The following DLGAP2 variants were observed in gnomAD, a reference collection of about 807,000 sequenced individuals.
The protein encoded by DLGAP2 is DLG associated protein 2.
In DLGAP2, 26 loss-of-function variants were observed where a neutral mutation model predicts 100.3. That is an observed-to-expected ratio of 0.26 (90% confidence interval 0.19 to 0.36). DLGAP2 has a LOEUF of 0.36. DLGAP2 is among the 10% of genes least tolerant of loss of function. DLGAP2 has a pLI of 1.00. For missense variants in DLGAP2, 1,858 were observed against 1,453.2 expected, an observed-to-expected ratio of 1.28 and a Z score of -4.53; for synonymous variants, 886 against 630.1, an observed-to-expected ratio of 1.41 and a Z score of -6.08.
rs553004398 is a variant in DLGAP2 at position 1,658,736 on chromosome 8, G to C, written c.1811-9593G>C. 2.6e-5 allele frequency among the ~76,000 whole-genome samples: 4 copies of C among 152,022 alleles called. No homozygotes were observed. In the South Asian group the frequency reaches 6.2e-4, roughly 24 times the overall value. On this transcript the variant is annotated intron_variant, in intron 8 of 14. Transcript: ENST00000637795. ...GTGTCTATTTGATTCTTCTCTCTTC[G>C]CTTCTTTATTAGTCTGGCTACCGGT...
rs575546059 is a variant in DLGAP2, at chr8:1,388,915, C to A, written c.107-112451C>A. On this transcript the variant is annotated intron_variant, in intron 3 of 14. Coordinates refer to ENST00000637795, the MANE Select transcript of DLGAP2 (RefSeq NM_001346810.2). ...TGTCAGGGCTGTGAGAGGCAGATGC[C>A]GTGGATGAGGAAGCGCTGGTTCAAG... 1.9e-4 allele frequency among the ~76,000 whole-genome samples: 22 copies of A among 113,366 alleles called. 1 individual carries two copies. Among genetic ancestry groups the A allele is most frequent in the African/African-American group, 6.8e-4 (19 of 27,858 alleles). 74.4% of individuals were successfully genotyped at this position (113,366 alleles called of 152,430 possible). A position where few individuals can be genotyped will look rare whatever the true frequency, so the allele number is the denominator to read the frequency against.
At chr8:1,030,210 G>A (rs555779812) in intron 2 of DLGAP2, among the ~76,000 whole-genome samples, 5 of 152,190 alleles carry the variant, frequency 3.3e-5, no homozygotes, top group Admixed American at 1.3e-4. Flanking sequence ...AGCAATGAGC[G>A]TACCTGAGAT....
intron 1 of DLGAP2, among the ~76,000 whole-genome samples, chr8:761,246 C>G (rs1355179264): frequency 6.6e-6 from 1 of 152,266 alleles, no homozygotes; most frequent in Admixed American, 6.5e-5. Context: ...TTGGTAGAAC[C>G]TGCTGGTCTT....
At chr8:877,121 C>A (rs914596982) in intron 1 of DLGAP2, among the ~76,000 whole-genome samples, 1 of 151,868 alleles carries the variant, frequency 6.6e-6, no homozygotes, top group Non-Finnish European at 1.5e-5. Context: ...TAAACCTGGC[C>A]TCTGGTCACT....
At chr8:955,389 G>T (rs936938439) in intron 2 of DLGAP2, among the ~76,000 whole-genome samples, 1 of 152,046 alleles carries the variant, frequency 6.6e-6, no homozygotes, top group African/African-American at 2.4e-5. Flanking sequence ...CCACCCACTG[G>T]AATCTTGTGT....
At chr8:979,558 G>T (rs1334486858) in intron 2 of DLGAP2, among the ~76,000 whole-genome samples, 1 of 152,298 alleles carries the variant, frequency 6.6e-6, no homozygotes, top group East Asian at 1.9e-4. Flanking sequence ...ATCACTGTGT[G>T]GGCAGGTTTT....
At chr8:1,462,211 A>C (rs1401718639) in intron 3 of DLGAP2, among the ~76,000 whole-genome samples, 1 of 70,096 alleles carries the variant, frequency 1.4e-5, no homozygotes, top group Non-Finnish European at 2.6e-5. Context: ...GGTGGCCAGG[A>C]GGAGGGAGAA....
At chr8:1,601,305 G>C (rs1796615777) in intron 6 of DLGAP2, among the ~76,000 whole-genome samples, 1 of 152,216 alleles carries the variant, frequency 6.6e-6, no homozygotes, top group African/African-American at 2.4e-5. Flanking sequence ...TGATGTGTCT[G>C]TTGATCCCTG....
rs920905246 is a variant in DLGAP2 at position 1,668,180 on chromosome 8, T to C, written c.1811-149T>C. The C allele has an allele frequency of 4.4e-6, 3 of 680,006 alleles. No homozygotes were observed. In the African/African-American group the frequency reaches 5.5e-5, roughly 12 times the overall value. 42.1% of individuals were successfully genotyped at this position (680,006 alleles called of 1,614,324 possible). On this transcript the variant is annotated intron_variant, in intron 8 of 14. Transcript: ENST00000637795. Reference sequence around the variant, plus strand: ...GGTATATTCATGTGTGCTGTCTCACTGTCCCCTCATTTCACGCTATTTTTT... The same window carrying C: ...GGTATATTCATGTGTGCTGTCTCACCGTCCCCTCATTTCACGCTATTTTTT...
intron 2 of DLGAP2, among the ~76,000 whole-genome samples, chr8:912,620 C>T (rs144146084): frequency 2.1e-4 from 32 of 151,974 alleles, no homozygotes; most frequent in African/African-American, 6.5e-4. Context: ...CCGTGGTGCC[C>T]GCCTTCCTCT....
rs186203730 is a variant in DLGAP2, at chr8:869,109, C to T, written c.19-38803C>T. Among the ~76,000 whole-genome samples, 34 of 152,260 alleles carry T rather than the reference C, an allele frequency of 2.2e-4. No individual in the cohort carries two copies. In the East Asian group the frequency reaches 5.2e-3, roughly 23 times the overall value. On this transcript the variant is annotated intron_variant, in intron 1 of 14. Transcript: ENST00000637795. ...GCCCTCCCTTCCTTCCTCTCCTCCT[C>T]GAGACCCTGCTTCACGCCTCTCTTC...
intron 3 of DLGAP2, among the ~76,000 whole-genome samples, chr8:1,412,071 T>C (rs1445743147): frequency 6.6e-6 from 1 of 152,240 alleles, no homozygotes; most frequent in Non-Finnish European, 1.5e-5. Context: ...CTGGAGTCAC[T>C]GCCCTTTCTC....
intron 2 of DLGAP2, among the ~76,000 whole-genome samples, chr8:1,160,112 G>A (rs1796861739): frequency 6.6e-6 from 1 of 152,230 alleles, no homozygotes; most frequent in African/African-American, 2.4e-5. Flanking sequence ...CTGACGCCGC[G>A]GCCCGTGGGT....
chr8:1,391,402 C>G (rs140741941), intron 3 of DLGAP2, among the ~76,000 whole-genome samples: 19 of 152,322 alleles, frequency 1.2e-4, no homozygotes, highest in African/African-American at 4.1e-4. Context: ...AGGCACGCGG[C>G]TTATCCAGGG....
intron 2 of DLGAP2, among the ~76,000 whole-genome samples, chr8:1,217,195 G>C (rs1424738408): frequency 6.6e-6 from 1 of 152,056 alleles, no homozygotes; most frequent in Non-Finnish European, 1.5e-5. Context: ...TCAATTATCA[G>C]GGAGAACATG....
intron 3 of DLGAP2, among the ~76,000 whole-genome samples, chr8:1,479,257 C>T (rs181639227): frequency 1.3e-5 from 2 of 152,228 alleles, no homozygotes; most frequent in East Asian, 1.9e-4. Context: ...CTTTACTCCG[C>T]TGCCAAACCA....
chr8:1,608,725 G>A (rs1214564634), intron 6 of DLGAP2, among the ~76,000 whole-genome samples: 128 of 146,262 alleles, frequency 8.8e-4, no homozygotes, highest in African/African-American at 3.0e-3. Flanking sequence ...ACCAAGGCTC[G>A]AGAACTACGT....
chr8:1,622,321 T>C (rs956077790), intron 6 of DLGAP2: 2 of 152,242 alleles, frequency 1.3e-5, no homozygotes, highest in African/African-American at 2.4e-5. Flanking sequence ...TTCTTAAATA[T>C]CTCCTTAGCA....
intron 3 of DLGAP2, among the ~76,000 whole-genome samples, chr8:1,345,623 G>T (rs6558456): frequency 6.6e-6 from 1 of 152,022 alleles, no homozygotes; most frequent in Non-Finnish European, 1.5e-5. Flanking sequence ...GTGTTAACAC[G>T]TCTGATCAGT....
Sources: gnomAD v4.1 joint callset for allele counts (sites outside exome capture counted in the v4.1 genomes callset) on GRCh38, gnomAD v4.1.1 for gene constraint, MANE v1.5 for transcripts, NCBI Gene and HGNC (gene_info 2026-07-23, HGNC 2026-07-21) for gene names.